The following CDKL3 variants were observed in gnomAD, a reference collection of about 807,000 sequenced individuals.
CDKL3 encodes cyclin dependent kinase like 3, also known as cyclin-dependent kinase-like 3.
A neutral mutation model predicts 69.3 loss-of-function variants in CDKL3; 65 were observed. The observed-to-expected ratio is 0.94, with a 90% CI of 0.77 to 1.15. CDKL3 has a LOEUF of 1.15. Among genes scored for constraint, CDKL3 ranks in the 50% most tolerant of loss-of-function variants. The pLI is 0.00. For missense variants in CDKL3, 652 were observed against 689.2 expected, an observed-to-expected ratio of 0.95 and a Z score of 0.61; for synonymous variants, 202 against 221.6, an observed-to-expected ratio of 0.91 and a Z score of 0.79.
intron 8 of CDKL3, among the ~76,000 whole-genome samples, chr5:134,287,973 C>T (rs907520018): frequency 6.6e-6 from 1 of 151,128 alleles, no homozygotes; most frequent in Admixed American, 6.6e-5. Context: ...CAGCTCACCA[C>T]AACCTCTGCC....
rs1164800558 is a variant in CDKL3 at position 134,326,817 on chromosome 5, GTATATATA to G, written c.540-4922_540-4915del. Among the ~76,000 whole-genome samples, 211 of 120,394 alleles carry G rather than the reference GTATATATA, an allele frequency of 1.8e-3. 2 individuals carry two copies. The Middle Eastern group carries it at 0.018, about 10-fold the overall frequency. 79.0% of individuals were successfully genotyped at this position (120,394 alleles called of 152,430 possible). On this transcript the variant is annotated intron_variant, in intron 4 of 12. Transcript: ENST00000265334. ...TGTGTGTATATATATATATGTGTGT[GTATATATA>G]TATATATATATATATATATATATAT... is the stretch of plus-strand genomic sequence containing the variant.
intron 4 of CDKL3, among the ~76,000 whole-genome samples, chr5:134,336,226 A>G (rs1777079742): frequency 6.6e-6 from 1 of 151,768 alleles, no homozygotes; most frequent in African/African-American, 2.4e-5. Context: ...CATTCGTCTA[A>G]CCTTTTTTCA....
chr5:134,357,438 CAAAAT>C (rs71581394), intron 3 of CDKL3, among the ~76,000 whole-genome samples: 21,762 of 148,468 alleles, frequency 0.15, 2,034 homozygotes, highest in African/African-American at 0.26. Flanking sequence ...GACTCTGTCT[CAAAAT>C]AAAATAAAAT....
chr5:134,370,571 A>T (rs1758267782), upstream of CDKL3, among the ~76,000 whole-genome samples: 1 of 152,232 alleles, frequency 6.6e-6, no homozygotes, highest in African/African-American at 2.4e-5. Flanking sequence ...CCCCCACCAT[A>T]GGCAAGTCCC....
chr5:134,298,439 T>A lies in CDKL3; in HGVS notation c.*212A>T. 1 of 1,334,994 alleles carries A rather than the reference T, an allele frequency of 7.5e-7. No individual in the cohort carries two copies. The highest frequency in any genetic ancestry group is 9.5e-7 in the Non-Finnish European group (1 of 1,047,872). The allele number at this position is 1,334,994 out of a possible 1,614,324, so 82.7% of individuals were successfully genotyped here. A position where few individuals can be genotyped will look rare whatever the true frequency, so the allele number is the denominator to read the frequency against. ...AAAAAAGAAGTAGGCAGAGAAGAGA[T>A]GACTTTATAATTCCAAATCAAATTA... On this transcript the variant is annotated 3_prime_UTR_variant, in exon 13 of 13. Coordinates refer to ENST00000265334, the MANE Select transcript of CDKL3 (RefSeq NM_001113575.2).
chr5:134,290,685 C>T (rs903796794), intron 8 of CDKL3, among the ~76,000 whole-genome samples: 2 of 151,962 alleles, frequency 1.3e-5, no homozygotes, highest in Non-Finnish European at 2.9e-5. Context: ...GCAATGACAT[C>T]ATCTGATTTA....
Position 134,304,445 on chromosome 5 carries a change from C to T in CDKL3, c.1581G>A (p.Leu527=), listed in dbSNP as rs373851380. 9.9e-6 allele frequency: 16 copies of T among 1,612,732 alleles called. No individual in the cohort carries two copies. In the African/African-American group the frequency reaches 1.7e-4, roughly 18 times the overall value. ...TATCTTTTGACTGTATTGTGACAGGCAATTCTGGAAAATGGAATTCTTTCC... is the reference window on the plus strand; with the variant it reads ...TATCTTTTGACTGTATTGTGACAGGTAATTCTGGAAAATGGAATTCTTTCC... ...SDRKEFHFPE[L]PVTIQSKDTK... Residue 527 remains leucine, a synonymous_variant, in exon 11 of 13, where the codon TTG becomes TTA. Transcript: ENST00000265334.
At chr5:134,353,968 A>G (rs1753933857) in intron 3 of CDKL3, among the ~76,000 whole-genome samples, 1 of 152,040 alleles carries the variant, frequency 6.6e-6, no homozygotes, top group South Asian at 2.1e-4. Context: ...TTACCCTATT[A>G]ACCTCCTTTC....
rs113616292 is a variant in CDKL3, at chr5:134,325,107, A to C, written c.540-3204T>G. Among the ~76,000 whole-genome samples the C allele has an allele frequency of 9.8e-3, 1,498 of 152,284 alleles. 14 individuals carry two copies. Among genetic ancestry groups the C allele is most frequent in the African/African-American group, 0.032 (1,332 of 41,548 alleles). On this transcript the variant is annotated intron_variant, in intron 4 of 12. Coordinates refer to ENST00000265334, the MANE Select transcript of CDKL3 (RefSeq NM_001113575.2). ...GCAGGAGGATCACTTGAGCCTGGGA[A>C]ATCAAAGCTGCAGTGAGCCATGAGT...
chr5:134,321,912 G>T lies in CDKL3; in HGVS notation c.540-9C>A. 1.4e-6 allele frequency: 2 copies of T among 1,442,076 alleles called. No homozygotes were observed. Among genetic ancestry groups the T allele is most frequent in the Non-Finnish European group, 1.9e-6 (2 of 1,051,436 alleles). The allele number at this position is 1,442,076 out of a possible 1,614,324, so 89.3% of individuals were successfully genotyped here. A position where few individuals can be genotyped will look rare whatever the true frequency, so the allele number is the denominator to read the frequency against. ...CCCAGATATCCACAGGTCTGAAACA[G>T]ATCAGGGAAAAAAAAATCACTTTTT... On this transcript the variant is annotated splice_polypyrimidine_tract_variant and intron_variant, in intron 4 of 12. Transcript: ENST00000265334.
At chr5:134,294,140 T>C (rs187965131), downstream of CDKL3, among the ~76,000 whole-genome samples, 371 of 152,190 alleles carry the variant, frequency 2.4e-3, 1 homozygote, top group Non-Finnish European at 3.9e-3. Context: ...TATTTATCAA[T>C]TGAATCCAAT....
chr5:134,314,655 TG>T (rs1489390300), intron 6 of CDKL3, among the ~76,000 whole-genome samples: 4 of 152,182 alleles, frequency 2.6e-5, no homozygotes, highest in Non-Finnish European at 5.9e-5. Context: ...TACAAAAACA[TG>T]AATGAATCTC....
At position 134,338,678 on chromosome 5, in the gene CDKL3, A is replaced by G. The variant is rs184028764; in HGVS notation, c.539+11571T>C. 3.6e-3 allele frequency among the ~76,000 whole-genome samples: 542 copies of G among 152,322 alleles called. 2 individuals are homozygous for G. The highest frequency in any genetic ancestry group is 0.012 in the African/African-American group (514 of 41,578). On this transcript the variant is annotated intron_variant, in intron 4 of 12. Transcript: ENST00000265334. ...CCTGCTGCACTCCAGCCTGGGTGAC[A>G]GAGTGAGACTCTATCTCAAAACACA...
chr5:134,370,771 T>C (rs1354408346), upstream of CDKL3, among the ~76,000 whole-genome samples: 1 of 152,212 alleles, frequency 6.6e-6, no homozygotes, highest in Non-Finnish European at 1.5e-5. Context: ...AAGGCTGCCT[T>C]AGAAGATCGT....
downstream of CDKL3, among the ~76,000 whole-genome samples, chr5:134,285,896 T>TGG (rs1764839243): frequency 1.3e-5 from 2 of 152,188 alleles, no homozygotes; most frequent in Admixed American, 6.5e-5. Context: ...GGCCAAGGCA[T>TGG]GTGGATCACG....
At chr5:134,304,002 T>C (rs1767073773) in intron 11 of CDKL3, among the ~76,000 whole-genome samples, 1 of 151,898 alleles carries the variant, frequency 6.6e-6, no homozygotes, top group Non-Finnish European at 1.5e-5. Context: ...GGCGTGATCA[T>C]GGCTCACTGC....
intron 3 of CDKL3, among the ~76,000 whole-genome samples, chr5:134,356,727 T>TG (rs1754704371): frequency 6.6e-6 from 1 of 152,064 alleles, no homozygotes; most frequent in Non-Finnish European, 1.5e-5. Flanking sequence ...GAGGTTGCAG[T>TG]GAACCAAGAT....
intron 3 of CDKL3, 52 bp downstream of exon 3, chr5:134,359,845 G>T: frequency 8.9e-7 from 1 of 1,119,496 alleles, no homozygotes; most frequent in Non-Finnish European, 1.3e-6. Context: ...TGTATAAGGA[G>T]CACTTATGAT....
At chr5:134,367,212 C>T (rs1757658086), upstream of CDKL3, 2 of 985,706 alleles carry the variant, frequency 2.0e-6, no homozygotes, top group Non-Finnish European at 2.4e-6. Flanking sequence ...GGGTCCCGAC[C>T]CGGAAGGGGA....
Sources: gnomAD v4.1 joint callset for allele counts (sites outside exome capture counted in the v4.1 genomes callset) on GRCh38, gnomAD v4.1.1 for gene constraint, MANE v1.5 for transcripts, NCBI Gene and HGNC (gene_info 2026-07-23, HGNC 2026-07-21) for gene names.